VAPB: variants seen among roughly 807,000 people sequenced by gnomAD.
VAPB encodes VAMP associated protein B and C.
A neutral mutation model predicts 25.6 loss-of-function variants in VAPB; 7 were observed. That is an observed-to-expected ratio of 0.27 (90% CI 0.16 to 0.51). The LOEUF (loss-of-function observed/expected upper bound fraction) is 0.51, where lower values mean the gene tolerates loss of function less well. VAPB is among the 20% of genes least tolerant of loss of function. The pLI, the probability that VAPB is intolerant of heterozygous loss-of-function variation, is 0.97. For missense variants in VAPB, 266 were observed against 301.3 expected, an observed-to-expected ratio of 0.88 and a Z score of 0.87; for synonymous variants, 112 against 109.2, an observed-to-expected ratio of 1.03 and a Z score of -0.16.
rs755682089 is a variant in VAPB at position 58,420,635 on chromosome 20, A to G, written c.211+2272A>G. 6.9e-4 allele frequency among the ~76,000 whole-genome samples: 105 copies of G among 152,216 alleles called. 3 individuals carry two copies. Among genetic ancestry groups the G allele is most frequent in the Non-Finnish European group, 1.3e-3 (86 of 68,042 alleles). On this transcript the variant is annotated intron_variant, in intron 2 of 5. Coordinates refer to ENST00000475243, the MANE Select transcript of VAPB (RefSeq NM_004738.5). The stretch of plus-strand genomic sequence containing the variant: ...TCAAAGTTTAATGTATTTGGGGGAA[A>G]AAGTAGTTGAATAATAAAATGTCCA...
At chr20:58,414,704 G>T (rs1159559580) in intron 1 of VAPB, among the ~76,000 whole-genome samples, 1 of 151,982 alleles carries the variant, frequency 6.6e-6, no homozygotes, top group Non-Finnish European at 1.5e-5. Context: ...TCCTAGATGG[G>T]ATGGCGGCCG....
At chr20:58,400,359 C>T (rs1486849522) in intron 1 of VAPB, among the ~76,000 whole-genome samples, 3 of 152,162 alleles carry the variant, frequency 2.0e-5, no homozygotes, top group Non-Finnish European at 4.4e-5. Context: ...CTTGTATTTC[C>T]CACAGCACCT....
chr20:58,402,018 A>T (rs1988106926), intron 1 of VAPB, among the ~76,000 whole-genome samples: 1 of 152,032 alleles, frequency 6.6e-6, no homozygotes, highest in Non-Finnish European at 1.5e-5. Flanking sequence ...TTCTTGTCCG[A>T]GTCTTCTCTT....
At chr20:58,409,569 GT>G (rs1309032871) in intron 1 of VAPB, among the ~76,000 whole-genome samples, 1 of 152,020 alleles carries the variant, frequency 6.6e-6, no homozygotes, top group Non-Finnish European at 1.5e-5. Flanking sequence ...ATGGTAATTT[GT>G]TTTTTGGAGA....
At position 58,447,735 on chromosome 20, in the gene VAPB, TA is replaced by T. The variant is rs1286096175; in HGVS notation, c.*3501del. 1 of 453,722 alleles carries T rather than the reference TA, an allele frequency of 2.2e-6. No individual in the cohort carries two copies. Among genetic ancestry groups the T allele is most frequent in the Non-Finnish European group, 4.4e-6 (1 of 226,530 alleles). 28.1% of individuals were successfully genotyped at this position (453,722 alleles called of 1,614,324 possible). ...CTTGACAGTTTTCAAATCGTGCCTATATTTTTTTGCATACACAAATTTTTGT... is the reference window on the plus strand; with the variant it reads ...CTTGACAGTTTTCAAATCGTGCCTATTTTTTTTGCATACACAAATTTTTGT... On this transcript the variant is annotated 3_prime_UTR_variant, in exon 6 of 6. Coordinates refer to ENST00000475243, the MANE Select transcript of VAPB (RefSeq NM_004738.5).
rs897425734 is a variant in VAPB at position 58,444,508 on chromosome 20, A to G, written c.*273A>G. ...AAGGGAAACCATGAGTAATGCCACA[A>G]TGGCATATTGTAAATGTCATTTTAA... On this transcript the variant is annotated 3_prime_UTR_variant, in exon 6 of 6. Transcript: ENST00000475243. 1.0e-5 allele frequency: 6 copies of G among 577,456 alleles called. No homozygotes were observed. The highest frequency in any genetic ancestry group is 4.4e-5 in the Admixed American group (2 of 45,938). 35.8% of individuals were successfully genotyped at this position (577,456 alleles called of 1,614,324 possible).
rs570596321 is a variant in VAPB, at chr20:58,445,403, G to A, written c.*1168G>A. The stretch of plus-strand genomic sequence containing the variant: ...ACCAGCAGTTGTGGGTGGGGAGCAA[G>A]GGAAGAGAGAAACTCTTCAGCGAAT... On this transcript the variant is annotated 3_prime_UTR_variant, in exon 6 of 6. Coordinates refer to ENST00000475243, the MANE Select transcript of VAPB (RefSeq NM_004738.5). The A allele has an allele frequency of 8.8e-6, 4 of 454,544 alleles. No homozygotes were observed. In the East Asian group the frequency reaches 2.8e-4, roughly 32 times the overall value. 28.2% of individuals were successfully genotyped at this position (454,544 alleles called of 1,614,324 possible). A position where few individuals can be genotyped will look rare whatever the true frequency, so the allele number is the denominator to read the frequency against.
At chr20:58,389,632 G>A in intron 1 of VAPB, 115 bp downstream of exon 1, 1 of 1,137,002 alleles carries the variant, frequency 8.8e-7, no homozygotes, top group Non-Finnish European at 1.2e-6. Flanking sequence ...CGGCGCTGTC[G>A]CGGGGGGCGG....
intron 2 of VAPB, among the ~76,000 whole-genome samples, chr20:58,421,611 T>G (rs1158710453): frequency 6.6e-6 from 1 of 152,104 alleles, no homozygotes; most frequent in Non-Finnish European, 1.5e-5. Context: ...ACCAGTGCAT[T>G]TTTCCCATTT....
At position 58,391,506 on chromosome 20, in the gene VAPB, A is replaced by G. The variant is rs187724446; in HGVS notation, c.58+1989A>G. Among the ~76,000 whole-genome samples, 706 of 152,108 alleles carry G rather than the reference A, an allele frequency of 4.6e-3. 1 individual carries two copies. The highest frequency in any genetic ancestry group is 5.8e-3 in the Admixed American group (89 of 15,280). On this transcript the variant is annotated intron_variant, in intron 1 of 5. Coordinates refer to ENST00000475243, the MANE Select transcript of VAPB (RefSeq NM_004738.5). ...CATGCACAGAGGCACAAACACTGAG[A>G]TGACTGGGCTCCTTTGGGATGCCAC...
chr20:58,443,205 T>C (rs2123103477), intron 5 of VAPB, among the ~76,000 whole-genome samples: 1 of 152,282 alleles, frequency 6.6e-6, no homozygotes, highest in South Asian at 2.1e-4. Context: ...TCTTTATATG[T>C]ATGAAAAAGA....
rs536156795 is a variant in VAPB at position 58,417,200 on chromosome 20, C to T, written c.59-1011C>T. ...GACCTAAGTTTTTGTAGCCACCTGACTAATAAACACAGAGATCACATGTCC... is the reference window on the plus strand; with the variant it reads ...GACCTAAGTTTTTGTAGCCACCTGATTAATAAACACAGAGATCACATGTCC... On this transcript the variant is annotated intron_variant, in intron 1 of 5. Coordinates refer to ENST00000475243, the MANE Select transcript of VAPB (RefSeq NM_004738.5). Among the ~76,000 whole-genome samples, 8 of 152,190 alleles carry T rather than the reference C, an allele frequency of 5.3e-5. No homozygotes were observed. In the South Asian group the frequency reaches 1.7e-3, roughly 32 times the overall value.
chr20:58,420,617 T>G (rs1988648477), intron 2 of VAPB, among the ~76,000 whole-genome samples: 1 of 152,210 alleles, frequency 6.6e-6, no homozygotes, highest in Admixed American at 6.5e-5. Flanking sequence ...TTCTCAAAGT[T>G]TAATGTATTT....
chr20:58,415,027 G>A (rs1459892952), intron 1 of VAPB, among the ~76,000 whole-genome samples: 2 of 152,386 alleles, frequency 1.3e-5, no homozygotes, highest in Admixed American at 6.5e-5. Flanking sequence ...GCTGGAGACC[G>A]GCCTGGCCAA....
chr20:58,427,368 A>C (rs1390538883), intron 2 of VAPB, among the ~76,000 whole-genome samples: 1 of 148,742 alleles, frequency 6.7e-6, no homozygotes, highest in Non-Finnish European at 1.5e-5. Flanking sequence ...GATGCAGGTG[A>C]AGGTGGTCCG....
chr20:58,446,730 T>A lies in VAPB; in HGVS notation c.*2495T>A, dbSNP rs767588111. The A allele has an allele frequency of 2.2e-6, 1 of 453,940 alleles. No individual in the cohort carries two copies. The highest frequency in any genetic ancestry group is 4.4e-6 in the Non-Finnish European group (1 of 226,764). 28.1% of individuals were successfully genotyped at this position (453,940 alleles called of 1,614,324 possible). A position where few individuals can be genotyped will look rare whatever the true frequency, so the allele number is the denominator to read the frequency against. On this transcript the variant is annotated 3_prime_UTR_variant, in exon 6 of 6. Coordinates refer to ENST00000475243, the MANE Select transcript of VAPB (RefSeq NM_004738.5). ...CATGTTTGTGGGCCTTTTGACTGAG[T>A]GGCAGAAGGAAACTGCTCAGGAAGA...
chr20:58,415,083 G>A (rs1187106013), intron 1 of VAPB, among the ~76,000 whole-genome samples: 3 of 150,526 alleles, frequency 2.0e-5, no homozygotes, highest in East Asian at 1.9e-4. Flanking sequence ...GCGTGGCGGC[G>A]CGAGCCTGCA....
intron 1 of VAPB, among the ~76,000 whole-genome samples, chr20:58,394,352 T>C (rs1987896065): frequency 6.6e-6 from 1 of 152,246 alleles, no homozygotes; most frequent in African/African-American, 2.4e-5. Context: ...GCCCTGTGGA[T>C]ATAGTTCATT....
chr20:58,414,345 G>A (rs1208030282), intron 1 of VAPB, among the ~76,000 whole-genome samples: 1 of 145,166 alleles, frequency 6.9e-6, no homozygotes, highest in Non-Finnish European at 1.5e-5. Flanking sequence ...CCTCCCTCCC[G>A]GACGGGGCGG....
Sources: gnomAD v4.1 joint callset for allele counts (sites outside exome capture counted in the v4.1 genomes callset) on GRCh38, gnomAD v4.1.1 for gene constraint, MANE v1.5 for transcripts, NCBI Gene and HGNC (gene_info 2026-07-23, HGNC 2026-07-21) for gene names.